Variants in RANBP17 observed in about 807,000 individuals in gnomAD.
The protein encoded by RANBP17 is RAN binding protein 17, also known as ran-binding protein 17.
In RANBP17, 158 loss-of-function variants were observed where a neutral mutation model predicts 141.2. The ratio of observed to expected loss-of-function variants is 1.12; its 90% confidence interval spans 0.98 to 1.28. RANBP17 has a LOEUF of 1.28. RANBP17 is among the 50% of genes most tolerant of loss of function. The pLI, the probability that RANBP17 is intolerant of heterozygous loss-of-function variation, is 0.00. For missense variants in RANBP17, 1,438 were observed against 1,290.7 expected (o/e 1.11, Z -1.75); for synonymous variants, 430 against 450.0 (o/e 0.96, Z 0.56).
intron 14 of RANBP17, among the ~76,000 whole-genome samples, chr5:171,053,900 TATATATATATATATATATATATATA>T (rs1783147986): frequency 4.4e-5 from 6 of 136,134 alleles, no homozygotes; most frequent in South Asian, 4.6e-4. Context: ...TATATATATA[TATATATATATATATATATATATATA>T]ATTGCTGTAT....
At chr5:171,113,976 G>C (rs1004383885) in intron 14 of RANBP17, among the ~76,000 whole-genome samples, 3 of 152,068 alleles carry the variant, frequency 2.0e-5, no homozygotes, top group African/African-American at 7.2e-5. Context: ...AAAAGGCTTT[G>C]TTTCAGAAAA....
At chr5:171,166,428 T>G (rs891082043) in intron 14 of RANBP17, among the ~76,000 whole-genome samples, 1 of 128,154 alleles carries the variant, frequency 7.8e-6, no homozygotes, top group Non-Finnish European at 1.6e-5. Flanking sequence ...GAAAGTGAGT[T>G]TTTTTTTTTT....
At chr5:170,907,424 T>A (rs1261490347) in intron 5 of RANBP17, among the ~76,000 whole-genome samples, 1 of 151,984 alleles carries the variant, frequency 6.6e-6, no homozygotes, top group Non-Finnish European at 1.5e-5. Flanking sequence ...TTTTACCTTT[T>A]ACAAACTTCT....
In RANBP17 at chr5:171,022,792, C is replaced by T. The variant is rs552369311; in HGVS notation, c.1710+54415C>T. On this transcript the variant is annotated intron_variant, in intron 14 of 27. Coordinates refer to ENST00000523189, the MANE Select transcript of RANBP17 (RefSeq NM_022897.5). ...TCAAATGGCTTAGACAGCAGGCAAC[C>T]GCAGCTATGGTGCTGGTTGCCCCTC... 3.9e-5 allele frequency among the ~76,000 whole-genome samples: 6 copies of T among 152,292 alleles called. No individual in the cohort carries two copies. In the South Asian group the frequency reaches 8.3e-4, roughly 21 times the overall value.
intron 14 of RANBP17, among the ~76,000 whole-genome samples, chr5:171,150,004 C>G (rs1758357357): frequency 6.6e-6 from 1 of 152,138 alleles, no homozygotes; most frequent in Non-Finnish European, 1.5e-5. Context: ...GAAGCAGGAA[C>G]CAGCAGCATT....
At chr5:171,086,317 C>T (rs914301400) in intron 14 of RANBP17, among the ~76,000 whole-genome samples, 6 of 150,680 alleles carry the variant, frequency 4.0e-5, no homozygotes, top group African/African-American at 1.5e-4. Context: ...ATGAAGCCCA[C>T]TTGATCATGG....
At chr5:171,223,726 C>A (rs1201571376) in intron 22 of RANBP17, among the ~76,000 whole-genome samples, 1 of 152,150 alleles carries the variant, frequency 6.6e-6, no homozygotes, top group Admixed American at 6.6e-5. Flanking sequence ...TTTCTAAATA[C>A]AATTTGCCAT....
intron 14 of RANBP17, among the ~76,000 whole-genome samples, chr5:171,142,578 C>T (rs566601914): frequency 6.6e-6 from 1 of 152,206 alleles, no homozygotes; most frequent in Non-Finnish European, 1.5e-5. Context: ...GCATGGTCTT[C>T]TCATCTTAGT....
chr5:171,100,794 G>A lies in RANBP17; in HGVS notation c.1711-69336G>A, dbSNP rs118000696. ...AGCTGTGTCCCAGAGATTCTGGGAC[G>A]TTGCGTCTTTGTTCTCACTGGTTTC... On this transcript the variant is annotated intron_variant, in intron 14 of 27. Coordinates refer to ENST00000523189, the MANE Select transcript of RANBP17 (RefSeq NM_022897.5). 1.6e-3 allele frequency among the ~76,000 whole-genome samples: 237 copies of A among 152,296 alleles called. 2 individuals are homozygous for A. In the East Asian group the frequency reaches 0.041, roughly 27 times the overall value.
intron 21 of RANBP17, among the ~76,000 whole-genome samples, chr5:171,218,964 A>T (rs532657914): frequency 6.6e-6 from 1 of 152,270 alleles, no homozygotes; most frequent in Non-Finnish European, 1.5e-5. Flanking sequence ...TATTTTGCAC[A>T]TTAGTTGATG....
At chr5:171,212,015 A>G (rs1205149359) in intron 20 of RANBP17, among the ~76,000 whole-genome samples, 1 of 152,194 alleles carries the variant, frequency 6.6e-6, no homozygotes, top group African/African-American at 2.4e-5. Context: ...ATATGCCCTC[A>G]AAAAGCTTAT....
Position 171,294,015 on chromosome 5 carries a change from T to TC in RANBP17, c.3042+37dup, listed in dbSNP as rs760051772. On this transcript the variant is annotated intron_variant, in intron 26 of 27. Transcript: ENST00000523189. ...GATTGCAGGAAGTCACGGGAGGTGG[T>TC]CCCTGGGAGAAGAGAGCAGCTATAA... The TC allele has an allele frequency of 4.1e-6, 6 of 1,474,840 alleles. No individual in the cohort carries two copies. In the South Asian group the frequency reaches 6.8e-5, roughly 17 times the overall value. The allele number at this position is 1,474,840 out of a possible 1,614,324, so 91.4% of individuals were successfully genotyped here.
intron 11 of RANBP17, among the ~76,000 whole-genome samples, chr5:170,923,666 TC>T (rs2127444724): frequency 6.6e-6 from 1 of 152,312 alleles, no homozygotes; most frequent in Non-Finnish European, 1.5e-5. Flanking sequence ...CTCTGATTTT[TC>T]TTTAATCAAA....
chr5:171,075,107 C>T (rs919541037), intron 14 of RANBP17, among the ~76,000 whole-genome samples: 4 of 152,262 alleles, frequency 2.6e-5, no homozygotes, highest in East Asian at 1.9e-4. Context: ...ACAAGCTTAG[C>T]GTTCCAATAA....
intron 5 of RANBP17, among the ~76,000 whole-genome samples, chr5:170,909,329 C>A (rs1456127562): frequency 6.6e-6 from 1 of 151,706 alleles, no homozygotes. Context: ...TGGAGATTAT[C>A]TTGGAGATTT....
At chr5:171,144,264 G>A (rs1034322647) in intron 14 of RANBP17, among the ~76,000 whole-genome samples, 1 of 152,176 alleles carries the variant, frequency 6.6e-6, no homozygotes, top group East Asian at 1.9e-4. Context: ...AGGAGGCCGA[G>A]GTGAGGTAAG....
intron 14 of RANBP17, among the ~76,000 whole-genome samples, chr5:171,096,704 A>G (rs1257372241): frequency 6.6e-6 from 1 of 152,178 alleles, no homozygotes; most frequent in Non-Finnish European, 1.5e-5. Context: ...GAGAAAGAAT[A>G]AATTTAGGGA....
intron 12 of RANBP17, among the ~76,000 whole-genome samples, chr5:170,941,370 T>C (rs2127475507): frequency 6.6e-6 from 1 of 152,206 alleles, no homozygotes; most frequent in Non-Finnish European, 1.5e-5. Flanking sequence ...TTCACAAATA[T>C]ATACTATTAG....
intron 13 of RANBP17, among the ~76,000 whole-genome samples, chr5:170,956,300 AT>A (rs962494812): frequency 5.3e-5 from 8 of 151,942 alleles, no homozygotes; most frequent in African/African-American, 1.7e-4. Flanking sequence ...ATTCTCCTTC[AT>A]TTTTATTATT....
Sources: gnomAD v4.1 joint callset for allele counts (sites outside exome capture counted in the v4.1 genomes callset) on GRCh38, gnomAD v4.1.1 for gene constraint, MANE v1.5 for transcripts, NCBI Gene and HGNC (gene_info 2026-07-23, HGNC 2026-07-21) for gene names.